Variants in LHFPL6 observed in about 807,000 individuals in gnomAD.
LHFPL6 encodes the protein LHFPL tetraspan subfamily member 6, also known as LHFPL tetraspan subfamily member 6 protein.
LHFPL6 carries 9 observed loss-of-function variants against 20.6 expected under a neutral mutation model. The ratio of observed to expected loss-of-function variants is 0.44; its 90% CI spans 0.26 to 0.76. The LOEUF is 0.76. LHFPL6 is among the 30% of genes least tolerant of loss of function. The pLI is 0.20. For missense variants in LHFPL6, 218 were observed against 253.5 expected (o/e 0.86, Z 0.95); for synonymous variants, 105 against 98.7 (o/e 1.06, Z -0.38).
chr13:39,371,846 G>A (rs1401533284), intron 3 of LHFPL6, among the ~76,000 whole-genome samples: 1 of 152,188 alleles, frequency 6.6e-6, no homozygotes. Context: ...ACATGACAAA[G>A]CTGGCCCAAT....
chr13:39,485,239 C>G (rs1255174638), intron 2 of LHFPL6, among the ~76,000 whole-genome samples: 1 of 152,124 alleles, frequency 6.6e-6, no homozygotes, highest in Admixed American at 6.6e-5. Context: ...ATCTCATAGC[C>G]TGGATTATCA....
intron 3 of LHFPL6, among the ~76,000 whole-genome samples, chr13:39,349,323 C>CT (rs1026713034): frequency 6.7e-6 from 1 of 150,352 alleles, no homozygotes; most frequent in African/African-American, 2.5e-5. Context: ...GCATACATGT[C>CT]TTTTGAGAAA....
Position 39,446,828 on chromosome 13 carries a change from C to T in LHFPL6, c.386-68302G>A, listed in dbSNP as rs573944357. Among the ~76,000 whole-genome samples the T allele has an allele frequency of 6.6e-5, 10 of 152,256 alleles. No individual in the cohort carries two copies. The South Asian group carries it at 2.1e-3, about 32-fold the overall frequency. On this transcript the variant is annotated intron_variant, in intron 2 of 3. Transcript: ENST00000379589. The stretch of plus-strand genomic sequence containing the variant: ...TACATTTGCTCTGGTAAAGGTTTTG[C>T]TTTAATTTGTCCATATCCAATCCCT...
chr13:39,562,393 T>TACAC (rs1566141930), intron 2 of LHFPL6, among the ~76,000 whole-genome samples: 4 of 90,444 alleles, frequency 4.4e-5, no homozygotes, highest in South Asian at 3.3e-4. Context: ...CATATACATA[T>TACAC]ATATACATAT....
chr13:39,374,229 A>G (rs1870229402), intron 3 of LHFPL6, among the ~76,000 whole-genome samples: 1 of 152,174 alleles, frequency 6.6e-6, no homozygotes, highest in African/African-American at 2.4e-5. Context: ...TTGCAGCAAC[A>G]TGGATACAAC....
intron 2 of LHFPL6, among the ~76,000 whole-genome samples, chr13:39,503,469 C>G (rs1192322313): frequency 6.6e-6 from 1 of 152,154 alleles, no homozygotes; most frequent in Non-Finnish European, 1.5e-5. Context: ...CCTCCTGCCA[C>G]TTTGTTTCTT....
chr13:39,534,193 T>A (rs1870549852), intron 2 of LHFPL6, among the ~76,000 whole-genome samples: 1 of 152,192 alleles, frequency 6.6e-6, no homozygotes, highest in South Asian at 2.1e-4. Context: ...AATTTACTTT[T>A]TTGTTTTTTA....
intron 2 of LHFPL6, among the ~76,000 whole-genome samples, chr13:39,515,529 G>C (rs1288879225): frequency 1.3e-5 from 2 of 152,134 alleles, no homozygotes; most frequent in East Asian, 3.8e-4. Context: ...TCTCCTTCCT[G>C]GGGATTTCTC....
intron 2 of LHFPL6, among the ~76,000 whole-genome samples, chr13:39,452,297 A>G (rs1053725755): frequency 6.6e-6 from 1 of 152,172 alleles, no homozygotes; most frequent in Admixed American, 6.5e-5. Context: ...GCCGGTCCAG[A>G]TTATGGAGTA....
At chr13:39,458,392 G>A (rs1302963703) in intron 2 of LHFPL6, among the ~76,000 whole-genome samples, 1 of 152,048 alleles carries the variant, frequency 6.6e-6, no homozygotes, top group Non-Finnish European at 1.5e-5. Context: ...GAGAAAGAAT[G>A]TTGAGGTCAA....
At chr13:39,351,906 A>G (rs1869578886) in intron 3 of LHFPL6, among the ~76,000 whole-genome samples, 1 of 152,186 alleles carries the variant, frequency 6.6e-6, no homozygotes, top group African/African-American at 2.4e-5. Context: ...ACTGACCATG[A>G]GGCACCCCAG....
At chr13:39,594,955 C>G (rs561414407) in intron 2 of LHFPL6, among the ~76,000 whole-genome samples, 7 of 151,818 alleles carry the variant, frequency 4.6e-5, no homozygotes, top group Admixed American at 2.6e-4. Flanking sequence ...CATCACATAC[C>G]GGGGCCTATT....
At chr13:39,470,110 T>C (rs116196599) in intron 2 of LHFPL6, among the ~76,000 whole-genome samples, 2 of 152,184 alleles carry the variant, frequency 1.3e-5, no homozygotes, top group Admixed American at 1.3e-4. Context: ...AATATATATA[T>C]ATAAGCCACA....
chr13:39,425,634 G>A (rs1021375812), intron 2 of LHFPL6, among the ~76,000 whole-genome samples: 5 of 152,270 alleles, frequency 3.3e-5, no homozygotes, highest in East Asian at 1.9e-4. Flanking sequence ...ATCTAATGAT[G>A]TGGAGCATCT....
rs1869303729 is a variant in LHFPL6, at chr13:39,343,516, T to C, written c.*420A>G. On this transcript the variant is annotated 3_prime_UTR_variant, in exon 4 of 4. Transcript: ENST00000379589. ...GGTACCCTGCTTCCCAACATAACACTGTTTCTACTAGCCCTTTGATTTTCT... is the reference window on the plus strand; with the variant it reads ...GGTACCCTGCTTCCCAACATAACACCGTTTCTACTAGCCCTTTGATTTTCT... 4 of 233,240 alleles carry C rather than the reference T, an allele frequency of 1.7e-5. No individual in the cohort carries two copies. The highest frequency in any genetic ancestry group is 3.4e-5 in the Non-Finnish European group (4 of 118,092). The allele number at this position is 233,240 out of a possible 1,614,324, so 14.4% of individuals were successfully genotyped here.
At chr13:39,420,907 T>C (rs1003866047) in intron 2 of LHFPL6, among the ~76,000 whole-genome samples, 1 of 152,208 alleles carries the variant, frequency 6.6e-6, no homozygotes. Flanking sequence ...TTCCTTCATA[T>C]AGTTCCGTTC....
intron 2 of LHFPL6, among the ~76,000 whole-genome samples, chr13:39,585,210 G>A (rs1436027028): frequency 6.6e-6 from 1 of 152,176 alleles, no homozygotes; most frequent in Non-Finnish European, 1.5e-5. Flanking sequence ...GAAACAACTA[G>A]GAAATCCATG....
chr13:39,402,871 T>A (rs558909699), intron 2 of LHFPL6, among the ~76,000 whole-genome samples: 6 of 152,298 alleles, frequency 3.9e-5, no homozygotes, highest in African/African-American at 1.4e-4. Flanking sequence ...GATTTTAAAA[T>A]CCCTGCCTTG....
At chr13:39,519,251 A>AT (rs1239233756) in intron 2 of LHFPL6, among the ~76,000 whole-genome samples, 1 of 151,676 alleles carries the variant, frequency 6.6e-6, no homozygotes, top group Non-Finnish European at 1.5e-5. Flanking sequence ...AATAAAAATA[A>AT]AAAAAAAATC....
Sources: allele counts gnomAD v4.1 joint callset (sites outside exome capture counted in the v4.1 genomes callset), GRCh38; gene constraint gnomAD v4.1.1; transcripts MANE v1.5; gene names NCBI Gene and HGNC (gene_info 2026-07-23, HGNC 2026-07-21).